LOC400499: variants seen among roughly 807,000 people sequenced by gnomAD.
the LOC400499 span, chr16:11,387,175 A>C: frequency 8.1e-7 from 1 of 1,232,240 alleles, no homozygotes; most frequent in Non-Finnish European, 1.0e-6. Flanking sequence ...CGTTGGCCCC[A>C]GACAGCTCTC....
chr16:11,470,360 G>A, the LOC400499 span, among the ~76,000 whole-genome samples: 1 of 152,320 alleles, frequency 6.6e-6, no homozygotes, highest in African/African-American at 2.4e-5. Flanking sequence ...AACACACTCT[G>A]CGAGTACCTC....
chr16:11,475,394 T>C, the LOC400499 span, among the ~76,000 whole-genome samples: 5 of 152,220 alleles, frequency 3.3e-5, no homozygotes, highest in Admixed American at 6.5e-5. Flanking sequence ...AAAAAAGGCA[T>C]AGACCACAGA....
At chr16:11,460,180 A>C in the LOC400499 span, 3 of 855,638 alleles carry the variant, frequency 3.5e-6, no homozygotes, top group South Asian at 8.6e-5. Context: ...TGTAGAAAGC[A>C]CTATTTTTTT....
At chr16:11,487,671 A>T in the LOC400499 span, among the ~76,000 whole-genome samples, 1 of 152,228 alleles carries the variant, frequency 6.6e-6, no homozygotes, top group Non-Finnish European at 1.5e-5. Flanking sequence ...TTGGAGCCTT[A>T]GGTTGAAAGA....
At chr16:11,476,306 G>A in the LOC400499 span, among the ~76,000 whole-genome samples, 3 of 152,020 alleles carry the variant, frequency 2.0e-5, no homozygotes, top group African/African-American at 7.3e-5. Flanking sequence ...CCCTCTCCAA[G>A]AGTCACCTCC....
chr16:11,476,202 G>C, the LOC400499 span, among the ~76,000 whole-genome samples: 1 of 152,148 alleles, frequency 6.6e-6, no homozygotes, highest in South Asian at 2.1e-4. Flanking sequence ...GATGCGAGGA[G>C]GGAGGAGGGA....
At chr16:11,385,533 G>C in the LOC400499 span, 2 of 634,884 alleles carry the variant, frequency 3.2e-6, no homozygotes, top group Non-Finnish European at 4.5e-6. Context: ...CCTGCCCTGA[G>C]GCCTGGATTC....
chr16:11,515,894 TAGCCCAGCCC>T, the LOC400499 span: 5 of 16,458 alleles, frequency 3.0e-4, no homozygotes, highest in African/African-American at 8.3e-4. Flanking sequence ...CAGCCCAGCC[TAGCCCAGCCC>T]AGCCCAGCCT....
the LOC400499 span, among the ~76,000 whole-genome samples, chr16:11,494,344 G>C: frequency 6.8e-6 from 1 of 148,132 alleles, no homozygotes; most frequent in East Asian, 2.1e-4. Context: ...CCACTCAGTG[G>C]TGTTGGGGGG....
chr16:11,396,550 G>A, the LOC400499 span: 1 of 1,232,216 alleles, frequency 8.1e-7, no homozygotes, highest in Non-Finnish European at 1.0e-6. Flanking sequence ...GAGGCCTGCT[G>A]TGGTTTTGGA....
At chr16:11,425,729 C>G in the LOC400499 span, among the ~76,000 whole-genome samples, 203 of 152,232 alleles carry the variant, frequency 1.3e-3, 1 homozygote, top group African/African-American at 4.7e-3. Flanking sequence ...AAAACTCCCA[C>G]AAAGAACGCT....
chr16:11,521,577 T>C, the LOC400499 span, among the ~76,000 whole-genome samples: 1 of 152,176 alleles, frequency 6.6e-6, no homozygotes, highest in Admixed American at 6.5e-5. Flanking sequence ...TCTATTCCTT[T>C]GTCCAAAGGC....
At chr16:11,396,078 T>C in the LOC400499 span, among the ~76,000 whole-genome samples, 5 of 152,354 alleles carry the variant, frequency 3.3e-5, no homozygotes, top group East Asian at 9.6e-4. Flanking sequence ...GGCTGTTTTC[T>C]CTCAGGCACT....
chr16:11,476,481 A>C, the LOC400499 span, among the ~76,000 whole-genome samples: 1,761 of 152,060 alleles, frequency 0.012, 32 homozygotes, highest in African/African-American at 0.041. Context: ...GCACTCCCAC[A>C]ACACACTCAC....
chr16:11,429,285 C>G, the LOC400499 span, among the ~76,000 whole-genome samples: 1 of 152,154 alleles, frequency 6.6e-6, no homozygotes, highest in South Asian at 2.1e-4. Flanking sequence ...TTCTCTTAAT[C>G]CTGCTCTGGC....
chr16:11,466,615 C>T, the LOC400499 span, among the ~76,000 whole-genome samples: 1 of 152,190 alleles, frequency 6.6e-6, no homozygotes, highest in African/African-American at 2.4e-5. Flanking sequence ...TCTTGAACTC[C>T]TGACCTCAGG....
chr16:11,403,803 G>C, the LOC400499 span, among the ~76,000 whole-genome samples: 1 of 151,942 alleles, frequency 6.6e-6, no homozygotes, highest in African/African-American at 2.4e-5. Context: ...GCTGTTGTTG[G>C]CGCTGTGTCG....
the LOC400499 span, among the ~76,000 whole-genome samples, chr16:11,388,738 G>A: frequency 3.3e-5 from 5 of 152,166 alleles, no homozygotes; most frequent in African/African-American, 4.8e-5. Context: ...CCCAGTCTTA[G>A]GAACTCCCAG....
At chr16:11,433,830 G>A in the LOC400499 span, among the ~76,000 whole-genome samples, 1 of 152,208 alleles carries the variant, frequency 6.6e-6, no homozygotes, top group African/African-American at 2.4e-5. Context: ...AGAGGGCGGG[G>A]AAGCCCAGCA....
Sources: allele counts gnomAD v4.1 joint callset (sites outside exome capture counted in the v4.1 genomes callset), GRCh38; gene constraint gnomAD v4.1.1; transcripts MANE v1.5.